The following RPH3A variants were observed in gnomAD, a reference collection of about 807,000 sequenced individuals.
RPH3A encodes rabphilin 3A.
Under a neutral mutation model 102.2 loss-of-function variants are expected in RPH3A, and 48 were observed. The observed-to-expected ratio is 0.47, with a 90% confidence interval of 0.37 to 0.60. The LOEUF is 0.60. RPH3A is among the 20% of genes least tolerant of loss of function. The pLI is 0.00. For synonymous variants in RPH3A, 310 were observed against 324.3 expected, an observed-to-expected ratio of 0.96 and a Z score of 0.47; for missense variants, 781 against 910.1, an observed-to-expected ratio of 0.86 and a Z score of 1.83.
At chr12:112,798,262 G>A (rs948231990) in intron 2 of RPH3A, among the ~76,000 whole-genome samples, 4 of 152,186 alleles carry the variant, frequency 2.6e-5, no homozygotes, top group Non-Finnish European at 5.9e-5. Context: ...TAATCAACAA[G>A]AGGAAACTCA....
chr12:112,841,287 C>T (rs983165566), intron 4 of RPH3A, among the ~76,000 whole-genome samples: 8 of 151,074 alleles, frequency 5.3e-5, no homozygotes, highest in Admixed American at 1.3e-4. Context: ...TCAAGAGCCA[C>T]GGATAGTTAA....
chr12:112,628,240 G>A (rs2039779657), intron 1 of RPH3A, among the ~76,000 whole-genome samples: 1 of 152,090 alleles, frequency 6.6e-6, no homozygotes, highest in Non-Finnish European at 1.5e-5. Context: ...AATAATGAGG[G>A]AAGAGTGTTC....
intron 1 of RPH3A, among the ~76,000 whole-genome samples, chr12:112,671,079 C>T (rs951456709): frequency 6.6e-6 from 1 of 152,158 alleles, no homozygotes; most frequent in African/African-American, 2.4e-5. Context: ...AGCCACCAGC[C>T]ATGAGCCATT....
intron 2 of RPH3A, among the ~76,000 whole-genome samples, chr12:112,822,674 G>T (rs1169037388): frequency 6.6e-6 from 1 of 152,184 alleles, no homozygotes; most frequent in Non-Finnish European, 1.5e-5. Flanking sequence ...GCTATCCAGT[G>T]CTTATTATTA....
intron 1 of RPH3A, among the ~76,000 whole-genome samples, chr12:112,743,312 A>G (rs2040723001): frequency 6.6e-6 from 1 of 152,230 alleles, no homozygotes; most frequent in South Asian, 2.1e-4. Context: ...TGGTTCCCAC[A>G]GGCAGACCAA....
chr12:112,780,379 T>C (rs1213838223), intron 1 of RPH3A, among the ~76,000 whole-genome samples: 2 of 119,742 alleles, frequency 1.7e-5, no homozygotes, highest in Non-Finnish European at 3.3e-5. Flanking sequence ...CCCCAGTGCC[T>C]GTTCTTTCCC....
intron 2 of RPH3A, among the ~76,000 whole-genome samples, chr12:112,797,766 C>T (rs1737400221): frequency 6.6e-6 from 1 of 151,838 alleles, no homozygotes; most frequent in African/African-American, 2.4e-5. Context: ...GATCATAGCT[C>T]ACTGCAGCCT....
At chr12:112,657,023 A>G (rs1411867788) in intron 1 of RPH3A, among the ~76,000 whole-genome samples, 1 of 152,122 alleles carries the variant, frequency 6.6e-6, no homozygotes, top group Admixed American at 6.5e-5. Context: ...ATAAATCTCC[A>G]TACTGTTTTC....
intron 2 of RPH3A, among the ~76,000 whole-genome samples, chr12:112,794,772 A>G (rs1028258298): frequency 6.6e-6 from 1 of 152,192 alleles, no homozygotes; most frequent in Non-Finnish European, 1.5e-5. Flanking sequence ...ACAGTAAGTT[A>G]TGGCAGCAAC....
rs545430571 is a variant in RPH3A at position 112,841,526 on chromosome 12, A to C, written c.83+5024A>C. 1.2e-4 allele frequency among the ~76,000 whole-genome samples: 19 copies of C among 152,232 alleles called. 1 individual carries two copies. In the South Asian group the frequency reaches 3.9e-3, roughly 32 times the overall value. On this transcript the variant is annotated intron_variant, in intron 4 of 21. Transcript: ENST00000389385. ...AGGAGAATAATGTTTACATCATAAG[A>C]TATTGCAAAAATTCAACAAGAGAGT...
intron 1 of RPH3A, among the ~76,000 whole-genome samples, chr12:112,608,181 T>A (rs2039612598): frequency 6.6e-6 from 1 of 151,624 alleles, no homozygotes; most frequent in South Asian, 2.1e-4. Flanking sequence ...AGTGGGGCGA[T>A]CTTGGCTTAC....
At chr12:112,864,349 G>A (rs965221209) in intron 5 of RPH3A, among the ~76,000 whole-genome samples, 1 of 151,856 alleles carries the variant, frequency 6.6e-6, no homozygotes, top group African/African-American at 2.4e-5. Context: ...TACTCAGGAG[G>A]CTGAGGCAGG....
chr12:112,575,979 T>G (rs1257986744), intron 1 of RPH3A, among the ~76,000 whole-genome samples: 1 of 152,184 alleles, frequency 6.6e-6, no homozygotes, highest in Non-Finnish European at 1.5e-5. Context: ...CAAACTCAGA[T>G]GCACACAGGG....
intron 1 of RPH3A, among the ~76,000 whole-genome samples, chr12:112,748,881 A>AT (rs957836050): frequency 4.1e-4 from 60 of 147,878 alleles, no homozygotes; most frequent in South Asian, 1.5e-3. Flanking sequence ...ATGGGGCTTA[A>AT]TTTTTTTTTT....
intron 1 of RPH3A, among the ~76,000 whole-genome samples, chr12:112,753,593 C>A (rs897680157): frequency 2.6e-5 from 4 of 152,120 alleles, no homozygotes; most frequent in Non-Finnish European, 4.4e-5. Context: ...ATTCCTGTTT[C>A]TTGCCTGATC....
chr12:112,635,032 C>T (rs949687645), intron 1 of RPH3A, among the ~76,000 whole-genome samples: 2 of 152,034 alleles, frequency 1.3e-5, no homozygotes, highest in Middle Eastern at 3.2e-3. Flanking sequence ...TATTTGAGTA[C>T]AGTAAATTAA....
At chr12:112,738,015 C>T (rs1336143532) in intron 1 of RPH3A, among the ~76,000 whole-genome samples, 1 of 152,246 alleles carries the variant, frequency 6.6e-6, no homozygotes, top group South Asian at 2.1e-4. Context: ...GGCTGTGCTC[C>T]CTCTGAGACT....
At chr12:112,869,694 T>A in intron 8 of RPH3A, 65 bp from the exon 9 acceptor site, 3 of 1,526,640 alleles carry the variant, frequency 2.0e-6, no homozygotes, top group Non-Finnish European at 2.7e-6. Context: ...GTAGGCTTCT[T>A]AAGTACCGGT....
intron 1 of RPH3A, among the ~76,000 whole-genome samples, chr12:112,578,265 T>G (rs1592890316): frequency 6.6e-6 from 1 of 152,126 alleles, no homozygotes; most frequent in Non-Finnish European, 1.5e-5. Context: ...ATAGTGGCTG[T>G]CTGTGACTGT....
Sources: allele counts gnomAD v4.1 joint callset (sites outside exome capture counted in the v4.1 genomes callset), GRCh38; gene constraint gnomAD v4.1.1; transcripts MANE v1.5; gene names NCBI Gene and HGNC (gene_info 2026-07-23, HGNC 2026-07-21).